DCAF17: variants seen among roughly 807,000 people sequenced by gnomAD.
The protein encoded by DCAF17 is DDB1 and CUL4 associated factor 17.
In DCAF17, 48 loss-of-function variants were observed where a neutral mutation model predicts 66.0. The ratio of observed to expected loss-of-function variants is 0.73; its 90% confidence interval spans 0.58 to 0.92. DCAF17 has a LOEUF of 0.92. DCAF17 is among the 40% of genes least tolerant of loss of function. The pLI, the probability that DCAF17 is intolerant of heterozygous loss-of-function variation, is 0.00. For missense variants in DCAF17, 562 were observed against 622.8 expected, an observed-to-expected ratio of 0.90 and a Z score of 1.04; for synonymous variants, 206 against 214.6, an observed-to-expected ratio of 0.96 and a Z score of 0.35.
At chr2:171,460,691 C>G (rs930015733) in intron 8 of DCAF17, among the ~76,000 whole-genome samples, 1 of 151,906 alleles carries the variant, frequency 6.6e-6, no homozygotes, top group African/African-American at 2.4e-5. Context: ...CCACCACACC[C>G]AGCTAATTTT....
chr2:171,447,489 T>C (rs1306997220), intron 3 of DCAF17: 2 of 194,612 alleles, frequency 1.0e-5, no homozygotes, highest in African/African-American at 4.8e-5. Context: ...GCCTCCCAAG[T>C]AGCTGGGATT....
chr2:171,474,181 C>T (rs928063137), intron 10 of DCAF17: 11 of 575,378 alleles, frequency 1.9e-5, no homozygotes, highest in Non-Finnish European at 3.1e-5. Context: ...AATTTGAAAA[C>T]GTTATTTGAT....
chr2:171,481,325 C>A lies in DCAF17; in HGVS notation c.*211C>A, dbSNP rs974336214. The A allele has an allele frequency of 2.0e-5, 13 of 656,248 alleles. No homozygotes were observed. Among genetic ancestry groups the A allele is most frequent in the Non-Finnish European group, 3.3e-5 (12 of 363,312 alleles). 40.7% of individuals were successfully genotyped at this position (656,248 alleles called of 1,614,324 possible). A position where few individuals can be genotyped will look rare whatever the true frequency, so the allele number is the denominator to read the frequency against. On this transcript the variant is annotated 3_prime_UTR_variant, in exon 14 of 14. Coordinates refer to ENST00000375255, the MANE Select transcript of DCAF17 (RefSeq NM_025000.4). ...TTTAAAGGTTTTTTAGAATACTGTT[C>A]CAAGAAGTTTAGTGTTTTGCAGCTT... is the stretch of plus-strand genomic sequence containing the variant.
At chr2:171,460,005 C>T (rs1043377901) in intron 8 of DCAF17, among the ~76,000 whole-genome samples, 1 of 152,072 alleles carries the variant, frequency 6.6e-6, no homozygotes, top group Non-Finnish European at 1.5e-5. Flanking sequence ...CAAATGGTAG[C>T]ATTTTTCTTG....
At chr2:171,446,511 A>C (rs1694633413) in intron 3 of DCAF17, among the ~76,000 whole-genome samples, 1 of 151,948 alleles carries the variant, frequency 6.6e-6, no homozygotes, top group East Asian at 1.9e-4. Context: ...ATGCCACTGC[A>C]CTCCAGCCTG....
chr2:171,483,262 A>T lies in DCAF17; in HGVS notation c.*2148A>T, dbSNP rs1559298522. 2.2e-6 allele frequency: 1 copy of T among 453,934 alleles called. No individual in the cohort carries two copies. The highest frequency in any genetic ancestry group is 4.4e-6 in the Non-Finnish European group (1 of 226,774). 28.1% of individuals were successfully genotyped at this position (453,934 alleles called of 1,614,324 possible). On this transcript the variant is annotated 3_prime_UTR_variant, in exon 14 of 14. Transcript: ENST00000375255. ...TACCTAAACCCCCTCTTTACCTGATATTTTAATTCGAGACTCTAGCTACAT... is the reference window on the plus strand; with the variant it reads ...TACCTAAACCCCCTCTTTACCTGATTTTTTAATTCGAGACTCTAGCTACAT...
chr2:171,434,989 A>G (rs1353077349), intron 1 of DCAF17, 94 bp from the exon 2 acceptor site: 1 of 1,172,646 alleles, frequency 8.5e-7, no homozygotes, highest in Non-Finnish European at 1.2e-6. Context: ...AAGTTTTAAA[A>G]TAATATAGGT....
intron 12 of DCAF17, 112 bp downstream of exon 12, chr2:171,478,182 G>C: frequency 1.1e-6 from 1 of 937,126 alleles, no homozygotes. Context: ...GGGGTTGCAG[G>C]CAGGCCAGTT....
intron 8 of DCAF17, among the ~76,000 whole-genome samples, chr2:171,462,833 G>A (rs17220699): frequency 0.2 from 30,650 of 151,886 alleles, 3,235 homozygotes; most frequent in South Asian, 0.28. Flanking sequence ...TTATATCATC[G>A]TATACAAAAG....
intron 3 of DCAF17, 148 bp from the exon 4 acceptor site, chr2:171,448,533 T>G (rs1694766791): frequency 1.6e-6 from 1 of 639,284 alleles, no homozygotes. Context: ...TCTTTCCTTG[T>G]CTTAATTCTC....
chr2:171,437,995 A>G (rs1339787765), intron 2 of DCAF17, among the ~76,000 whole-genome samples: 1 of 152,208 alleles, frequency 6.6e-6, no homozygotes, highest in East Asian at 1.9e-4. Context: ...ATATGCACTT[A>G]CTGCTATACC....
At chr2:171,448,866 A>AAAATT (rs1694791701) in intron 4 of DCAF17, 49 bp downstream of exon 4, 1 of 1,543,858 alleles carries the variant, frequency 6.5e-7, no homozygotes, top group South Asian at 1.1e-5. Flanking sequence ...AAAATTTGAA[A>AAAATT]CCTGTGGCCC....
intron 2 of DCAF17, among the ~76,000 whole-genome samples, chr2:171,442,061 A>G (rs976122034): frequency 6.6e-6 from 1 of 152,230 alleles, no homozygotes; most frequent in African/African-American, 2.4e-5. Flanking sequence ...TTAGTGTTCT[A>G]ATGATTAAAT....
chr2:171,453,067 C>T, intron 5 of DCAF17, 57 bp from the exon 6 acceptor site: 3 of 1,206,910 alleles, frequency 2.5e-6, no homozygotes, highest in South Asian at 2.9e-5. Context: ...CTAATGAAAA[C>T]AGTGTGTTTC....
intron 9 of DCAF17, among the ~76,000 whole-genome samples, 177 bp from the exon 10 acceptor site, chr2:171,473,689 T>A (rs1191693095): frequency 6.6e-6 from 1 of 152,226 alleles, no homozygotes; most frequent in East Asian, 1.9e-4. Flanking sequence ...AATTTAAATG[T>A]TCAGAATTTC....
intron 3 of DCAF17, 43 bp from the exon 4 acceptor site, chr2:171,448,638 T>C: frequency 1.3e-6 from 2 of 1,511,462 alleles, no homozygotes; most frequent in African/African-American, 1.4e-5. Flanking sequence ...AAATTGTTCA[T>C]GGCCAAGCAG....
chr2:171,442,236 C>T (rs1175565743), intron 2 of DCAF17, among the ~76,000 whole-genome samples: 1 of 152,082 alleles, frequency 6.6e-6, no homozygotes, highest in Non-Finnish European at 1.5e-5. Context: ...TCTCTTTCAA[C>T]AGTAATTTAA....
rs1224902421 is a variant in DCAF17 at position 171,482,229 on chromosome 2, C to A, written c.*1115C>A. 6.6e-6 allele frequency: 3 copies of A among 453,936 alleles called. No individual in the cohort carries two copies. The highest frequency in any genetic ancestry group is 1.3e-5 in the Non-Finnish European group (3 of 226,726). The allele number at this position is 453,936 out of a possible 1,614,324, so 28.1% of individuals were successfully genotyped here. A position where few individuals can be genotyped will look rare whatever the true frequency, so the allele number is the denominator to read the frequency against. Reference sequence around the variant, plus strand: ...TTGCTTCCATTTCGCATGTTCTGCACATTTATCCGATGTAACCTCAAAAGA... The same window carrying A: ...TTGCTTCCATTTCGCATGTTCTGCAAATTTATCCGATGTAACCTCAAAAGA... On this transcript the variant is annotated 3_prime_UTR_variant, in exon 14 of 14. Transcript: ENST00000375255.
At chr2:171,435,452 A>C (rs1693822677) in intron 2 of DCAF17, among the ~76,000 whole-genome samples, 1 of 152,180 alleles carries the variant, frequency 6.6e-6, no homozygotes, top group Non-Finnish European at 1.5e-5. Context: ...TTTAGTGTTT[A>C]GTCTACTTAT....
Sources: gnomAD v4.1 joint callset for allele counts (sites outside exome capture counted in the v4.1 genomes callset) on GRCh38, gnomAD v4.1.1 for gene constraint, MANE v1.5 for transcripts, NCBI Gene and HGNC (gene_info 2026-07-23, HGNC 2026-07-21) for gene names.